TRMT6: variants seen among roughly 807,000 people sequenced by gnomAD.
The protein encoded by TRMT6 is tRNA (adenine(58)-N(1))-methyltransferase non-catalytic subunit TRM6.
A neutral mutation model predicts 59.0 loss-of-function variants in TRMT6; 34 were observed. The observed-to-expected ratio is 0.58, with a 90% confidence interval of 0.44 to 0.77. The LOEUF (loss-of-function observed/expected upper bound fraction) is 0.77, where lower values mean the gene tolerates loss of function less well. Ranked by LOEUF, TRMT6 falls within the 30% of genes least tolerant of loss-of-function variation. TRMT6 has a pLI of 0.00. For missense variants in TRMT6, 575 were observed against 604.5 expected (o/e 0.95, Z 0.51); for synonymous variants, 217 against 210.5 (o/e 1.03, Z -0.27).
intron 8 of TRMT6, 60 bp downstream of exon 8, chr20:5,941,891 T>C: frequency 1.5e-6 from 2 of 1,358,940 alleles, no homozygotes; most frequent in South Asian, 2.4e-5. Flanking sequence ...AGAATGCCAA[T>C]CTGTCTGAAG....
chr20:5,944,952 G>C lies in TRMT6; in HGVS notation c.257-38C>G, dbSNP rs751152704. ...ATTGCTCTATTGACATTTATGGTCT[G>C]AAATTATTTGACACTTTCTTTTTCT... On this transcript the variant is annotated intron_variant, in intron 2 of 10. Coordinates refer to ENST00000203001, the MANE Select transcript of TRMT6 (RefSeq NM_015939.5). 1.1e-5 allele frequency: 16 copies of C among 1,494,008 alleles called. No homozygotes were observed. In the South Asian group the frequency reaches 1.8e-4, roughly 17 times the overall value. 92.5% of individuals were successfully genotyped at this position (1,494,008 alleles called of 1,614,324 possible). A position where few individuals can be genotyped will look rare whatever the true frequency, so the allele number is the denominator to read the frequency against.
At chr20:5,944,991 C>G in intron 2 of TRMT6, 77 bp from the exon 3 acceptor site, 2 of 1,137,720 alleles carry the variant, frequency 1.8e-6, no homozygotes, top group East Asian at 2.4e-5. Flanking sequence ...TTCATATCCA[C>G]ATCCAGTCCA....
intron 10 of TRMT6, among the ~76,000 whole-genome samples, chr20:5,940,264 C>T (rs972320645): frequency 5.3e-5 from 8 of 152,230 alleles, no homozygotes; most frequent in Admixed American, 5.2e-4. Context: ...ATCTCTTACA[C>T]TTCAACTTCC....
chr20:5,943,417 G>T, intron 6 of TRMT6, 142 bp downstream of exon 6: 3 of 1,093,724 alleles, frequency 2.7e-6, no homozygotes, highest in Non-Finnish European at 4.0e-6. Context: ...AGGTCCCCAT[G>T]CTAGGAGCCG....
At chr20:5,945,391 C>T (rs963635589) in intron 2 of TRMT6, among the ~76,000 whole-genome samples, 2 of 152,236 alleles carry the variant, frequency 1.3e-5, no homozygotes, top group Non-Finnish European at 2.9e-5. Flanking sequence ...CTGGAAGGTT[C>T]TACGACAGAT....
At position 5,950,433 on chromosome 20, in the gene TRMT6, G is replaced by A; in HGVS notation, c.-28C>T. The stretch of plus-strand genomic sequence containing the variant: ...CGCTCAGCCGGTCGCCGTGCTCCAC[G>A]GCGTCCCGCCCCTCCTCCTCGGTTG... On this transcript the variant is annotated 5_prime_UTR_variant, in exon 1 of 11. Coordinates refer to ENST00000203001, the MANE Select transcript of TRMT6 (RefSeq NM_015939.5). 6.6e-7 allele frequency: 1 copy of A among 1,525,110 alleles called. No homozygotes were observed. The highest frequency in any genetic ancestry group is 8.8e-7 in the Non-Finnish European group (1 of 1,140,992). The allele number at this position is 1,525,110 out of a possible 1,614,324, so 94.5% of individuals were successfully genotyped here. A position where few individuals can be genotyped will look rare whatever the true frequency, so the allele number is the denominator to read the frequency against.
At chr20:5,943,064 A>C (rs1222594955) in intron 6 of TRMT6, among the ~76,000 whole-genome samples, 4 of 152,224 alleles carry the variant, frequency 2.6e-5, no homozygotes, top group African/African-American at 9.6e-5. Context: ...TGGATGTCAC[A>C]TGATTGGTGA....
At chr20:5,950,161 G>T in intron 1 of TRMT6, 117 bp downstream of exon 1, 1 of 1,113,286 alleles carries the variant, frequency 9.0e-7, no homozygotes, top group Non-Finnish European at 1.3e-6. Context: ...GCGGGGAATG[G>T]GGACCGAGAG....
intron 10 of TRMT6, among the ~76,000 whole-genome samples, chr20:5,939,992 C>A (rs1399942453): frequency 6.6e-6 from 1 of 152,216 alleles, no homozygotes; most frequent in South Asian, 2.1e-4. Context: ...AGCATTCATA[C>A]CGAGGGAGGC....
chr20:5,944,593 C>T (rs887960783), intron 3 of TRMT6, among the ~76,000 whole-genome samples: 1 of 152,174 alleles, frequency 6.6e-6, no homozygotes, highest in Non-Finnish European at 1.5e-5. Context: ...ACATTCTCTA[C>T]CACTGACATT....
At chr20:5,941,676 T>A (rs751901517) in intron 8 of TRMT6, 133 of 539,674 alleles carry the variant, frequency 2.5e-4, no homozygotes, top group Non-Finnish European at 3.7e-4. Flanking sequence ...ATCGCAGCAT[T>A]TGAGTGCCCC....
intron 6 of TRMT6, among the ~76,000 whole-genome samples, chr20:5,943,058 T>A (rs758331313): frequency 6.6e-5 from 10 of 152,336 alleles, no homozygotes; most frequent in African/African-American, 1.7e-4. Flanking sequence ...CAAATTTGGA[T>A]GTCACATGAT....
intron 1 of TRMT6, among the ~76,000 whole-genome samples, chr20:5,948,945 G>T (rs1373306716): frequency 3.9e-5 from 6 of 152,178 alleles, no homozygotes; most frequent in African/African-American, 1.4e-4. Context: ...GAATTCATCT[G>T]AAGTAAGTAC....
intron 10 of TRMT6, among the ~76,000 whole-genome samples, chr20:5,939,249 G>A (rs1339257285): frequency 6.6e-6 from 1 of 152,206 alleles, no homozygotes. Flanking sequence ...TTGGGATGCT[G>A]AGGCAGGTGG....
intron 4 of TRMT6, 23 bp downstream of exon 4, chr20:5,944,139 C>G (rs761229354): frequency 7.2e-7 from 1 of 1,391,832 alleles, no homozygotes. Context: ...TATTGTGGGC[C>G]TTTTAAAATA....
Position 5,938,651 on chromosome 20 carries a change from C to T in TRMT6, c.1378G>A (p.Ala460Thr). 6.2e-7 allele frequency: 1 copy of T among 1,614,196 alleles called. No individual in the cohort carries two copies. The highest frequency in any genetic ancestry group is 8.5e-7 in the Non-Finnish European group (1 of 1,180,024). ...GGYLLSGFTV[A>T]MDNLKADTSL... ...GTGTCTGCTTTAAGGTTGTCCATGG[C>T]AACGGTGAAGCCGGAGAGAAGATAA... The change falls in exon 11 of 11, where the codon GCC (alanine) becomes ACC (threonine). Residue 460 changes from alanine (A) to threonine (T), a missense_variant. By Grantham distance (58) the Ala-to-Thr change is moderately conservative. Transcript: ENST00000203001.
Position 5,942,408 on chromosome 20 carries a change from G to A in TRMT6, c.1026+20C>T, listed in dbSNP as rs1264669059. 9 of 1,595,222 alleles carry A rather than the reference G, an allele frequency of 5.6e-6. No homozygotes were observed. The African/African-American group carries it at 9.4e-5, about 17-fold the overall frequency. ...AGGGACTGAGATTATGGGGGTGGTG[G>A]GGACTCTTGGCATCCTTACATAATC... On this transcript the variant is annotated intron_variant, in intron 7 of 10. Transcript: ENST00000203001.
In TRMT6 at chr20:5,950,420, C is replaced by G; in HGVS notation, c.-15G>C. The G allele has an allele frequency of 1.3e-6, 2 of 1,563,708 alleles. No individual in the cohort carries two copies. The highest frequency in any genetic ancestry group is 1.7e-6 in the Non-Finnish European group (2 of 1,158,472). On this transcript the variant is annotated 5_prime_UTR_variant, in exon 1 of 11. Coordinates refer to ENST00000203001, the MANE Select transcript of TRMT6 (RefSeq NM_015939.5). The stretch of plus-strand genomic sequence containing the variant: ...GAGCCCTCCATGACGCTCAGCCGGT[C>G]GCCGTGCTCCACGGCGTCCCGCCCC...
chr20:5,941,793 C>T (rs2088658204), intron 8 of TRMT6, 158 bp downstream of exon 8: 5 of 664,744 alleles, frequency 7.5e-6, no homozygotes, highest in South Asian at 2.0e-5. Context: ...CCCACCCCTG[C>T]CAGCCTCAGC....
Sources: gnomAD v4.1 joint callset for allele counts (sites outside exome capture counted in the v4.1 genomes callset) on GRCh38, gnomAD v4.1.1 for gene constraint, MANE v1.5 for transcripts, NCBI Gene and HGNC (gene_info 2026-07-23, HGNC 2026-07-21) for gene names.